The following NYAP2 variants were observed in gnomAD, a reference collection of about 807,000 sequenced individuals.
NYAP2 encodes neuronal tyrosine-phosphorylated phosphoinositide-3-kinase adaptor 2.
Under a neutral mutation model 50.4 loss-of-function variants are expected in NYAP2, and 23 were observed. The ratio of observed to expected loss-of-function variants is 0.46; its 90% CI spans 0.33 to 0.65. The LOEUF is 0.65. Ranked by LOEUF, NYAP2 falls within the 30% of genes least tolerant of loss-of-function variation. NYAP2 has a pLI of 0.02. For synonymous variants in NYAP2, 394 were observed against 365.2 expected, an observed-to-expected ratio of 1.08 and a Z score of -0.90; for missense variants, 885 against 861.0, an observed-to-expected ratio of 1.03 and a Z score of -0.35.
In NYAP2 at chr2:225,498,661, C is replaced by A. The variant is rs76528210; in HGVS notation, c.222-14710C>A. On this transcript the variant is annotated intron_variant, in intron 3 of 6. Coordinates refer to ENST00000636099, the Ensembl canonical transcript of NYAP2. Reference sequence around the variant, plus strand: ...AAGAATATCATTTAGTAGCTGGGACCAAAAGTTCATAAAAAGCCTTGTAGA... The same window carrying A: ...AAGAATATCATTTAGTAGCTGGGACAAAAAGTTCATAAAAAGCCTTGTAGA... Among the ~76,000 whole-genome samples, 909 of 151,324 alleles carry A rather than the reference C, an allele frequency of 6.0e-3. 10 individuals are homozygous for A. The highest frequency in any genetic ancestry group is 0.02 in the African/African-American group (840 of 41,222).
chr2:225,550,935 C>T lies in NYAP2; in HGVS notation c.524-31006C>T, dbSNP rs118086486. Among the ~76,000 whole-genome samples the T allele has an allele frequency of 2.6e-5, 4 of 152,120 alleles. No individual in the cohort carries two copies. The East Asian group carries it at 7.7e-4, about 29-fold the overall frequency. On this transcript the variant is annotated intron_variant, in intron 4 of 6. Transcript: ENST00000636099. ...TAGTGATGTTCTAGTTTCCTGTGTG[C>T]AATGGAGAGCAGCTGAATAATATTA...
intron 3 of NYAP2, among the ~76,000 whole-genome samples, chr2:225,419,668 A>G (rs907950330): frequency 6.6e-6 from 1 of 152,212 alleles, no homozygotes; most frequent in African/African-American, 2.4e-5. Context: ...TAGTCAACAT[A>G]TTATAGAATT....
chr2:225,579,608 G>A (rs539917543), intron 4 of NYAP2, among the ~76,000 whole-genome samples: 1 of 152,256 alleles, frequency 6.6e-6, no homozygotes, highest in South Asian at 2.1e-4. Context: ...CATTCCAAAG[G>A]CCACCTTCTC....
At chr2:225,609,606 C>T (rs938082322) in intron 5 of NYAP2, among the ~76,000 whole-genome samples, 3 of 152,106 alleles carry the variant, frequency 2.0e-5, no homozygotes, top group African/African-American at 7.2e-5. Flanking sequence ...AGGCTCTTGG[C>T]TTCATGGACT....
At chr2:225,402,881 A>T (rs368844127) in intron 2 of NYAP2, among the ~76,000 whole-genome samples, 5 of 152,012 alleles carry the variant, frequency 3.3e-5, no homozygotes, top group East Asian at 1.9e-4. Flanking sequence ...TCAGAAAAAA[A>T]TTTTGACATG....
At chr2:225,625,138 C>T (rs1693188070) in intron 5 of NYAP2, among the ~76,000 whole-genome samples, 1 of 148,716 alleles carries the variant, frequency 6.7e-6, no homozygotes, top group African/African-American at 2.5e-5. Flanking sequence ...AAACTGTTAA[C>T]CTGGTGAATT....
intron 6 of NYAP2, among the ~76,000 whole-genome samples, chr2:225,631,851 C>T (rs974424080): frequency 3.3e-5 from 5 of 151,972 alleles, no homozygotes; most frequent in Admixed American, 2.0e-4. Context: ...GGAGTCTCAC[C>T]CTGTCACCCA....
chr2:225,567,344 T>G (rs1691980028), intron 4 of NYAP2, among the ~76,000 whole-genome samples: 1 of 152,058 alleles, frequency 6.6e-6, no homozygotes. Flanking sequence ...AAAGAAAATT[T>G]GAAGGGATAT....
chr2:225,685,633 CA>C, the NYAP2 span, among the ~76,000 whole-genome samples: 3 of 152,062 alleles, frequency 2.0e-5, no homozygotes, highest in Non-Finnish European at 2.9e-5. Context: ...TAATATGTCA[CA>C]TTTTTTTCTA....
chr2:225,424,710 C>T (rs1695261300), intron 3 of NYAP2, among the ~76,000 whole-genome samples: 1 of 151,810 alleles, frequency 6.6e-6, no homozygotes, highest in Non-Finnish European at 1.5e-5. Flanking sequence ...ATTCTATTGT[C>T]TTCTGCTACT....
intron 5 of NYAP2, among the ~76,000 whole-genome samples, chr2:225,607,911 G>A (rs963589234): frequency 1.3e-5 from 2 of 152,106 alleles, no homozygotes; most frequent in African/African-American, 2.4e-5. Context: ...GAACAATAAG[G>A]ACACTTTCTA....
intron 6 of NYAP2, among the ~76,000 whole-genome samples, chr2:225,631,313 G>A (rs1213756454): frequency 1.3e-5 from 2 of 152,068 alleles, no homozygotes; most frequent in African/African-American, 4.8e-5. Flanking sequence ...ATCTCTTTTG[G>A]TTTACAGCAT....
At chr2:225,470,811 A>ATGTGTGTGTGTGTG (rs113075606) in intron 3 of NYAP2, among the ~76,000 whole-genome samples, 10 of 148,088 alleles carry the variant, frequency 6.8e-5, no homozygotes, top group African/African-American at 2.5e-4. Flanking sequence ...ATGTATGTAT[A>ATGTGTGTGTGTGTG]TGTGTGTGTG....
the NYAP2 span, among the ~76,000 whole-genome samples, chr2:225,686,013 CGTA>C: frequency 1.3e-5 from 2 of 151,932 alleles, no homozygotes; most frequent in African/African-American, 4.8e-5. Context: ...TAGTTTTACC[CGTA>C]ATAATTTACT....
At chr2:225,561,364 G>A (rs991105168) in intron 4 of NYAP2, among the ~76,000 whole-genome samples, 2 of 152,086 alleles carry the variant, frequency 1.3e-5, no homozygotes, top group African/African-American at 4.8e-5. Context: ...GTTAGGAATA[G>A]GAAGGAAGCC....
At chr2:225,607,584 T>A (rs1198711327) in intron 5 of NYAP2, among the ~76,000 whole-genome samples, 4 of 152,126 alleles carry the variant, frequency 2.6e-5, no homozygotes, top group Admixed American at 2.6e-4. Flanking sequence ...TCTTAAAACA[T>A]CCTAAGTCAA....
At chr2:225,695,334 G>A in the NYAP2 span, among the ~76,000 whole-genome samples, 12 of 151,750 alleles carry the variant, frequency 7.9e-5, no homozygotes, top group African/African-American at 2.7e-4. Context: ...TGTTTGTGTA[G>A]ACAACTAAAT....
chr2:225,658,708 T>C (rs1285431484), downstream of NYAP2, among the ~76,000 whole-genome samples: 1 of 152,244 alleles, frequency 6.6e-6, no homozygotes, highest in Non-Finnish European at 1.5e-5. Flanking sequence ...CTATGAGCTT[T>C]AATTAATGTC....
At chr2:225,626,393 G>A (rs925546071) in intron 5 of NYAP2, among the ~76,000 whole-genome samples, 2 of 152,122 alleles carry the variant, frequency 1.3e-5, no homozygotes, top group Non-Finnish European at 2.9e-5. Context: ...AAATGACAAA[G>A]GAAAGGTGTT....
Sources: gnomAD v4.1 joint callset for allele counts (sites outside exome capture counted in the v4.1 genomes callset) on GRCh38, gnomAD v4.1.1 for gene constraint, MANE v1.5 for transcripts, NCBI Gene and HGNC (gene_info 2026-07-23, HGNC 2026-07-21) for gene names.